Variants in ERBB4 observed in about 807,000 individuals in gnomAD.
The protein encoded by ERBB4 is receptor tyrosine-protein kinase erbB-4.
In ERBB4, 42 loss-of-function variants were observed where a neutral mutation model predicts 158.0. That is an observed-to-expected ratio of 0.27 (90% CI 0.21 to 0.34). The LOEUF is 0.34. ERBB4 is among the 10% of genes least tolerant of loss of function. The probability of loss-of-function intolerance (pLI) is 1.00; values close to 1 mark genes in which losing one functional copy is unlikely to be tolerated. For missense variants in ERBB4, 1,333 were observed against 1,624.1 expected, an observed-to-expected ratio of 0.82 and a Z score of 3.08; for synonymous variants, 583 against 558.7, an observed-to-expected ratio of 1.04 and a Z score of -0.61.
At chr2:211,392,576 A>ACT (rs1231626313) in intron 25 of ERBB4, among the ~76,000 whole-genome samples, 1 of 150,336 alleles carries the variant, frequency 6.7e-6, no homozygotes, top group Non-Finnish European at 1.5e-5. Context: ...ACACACACAC[A>ACT]CACACACACA....
chr2:211,618,105 G>A (rs972461328), intron 19 of ERBB4, among the ~76,000 whole-genome samples: 1 of 151,804 alleles, frequency 6.6e-6, no homozygotes, highest in Non-Finnish European at 1.5e-5. Context: ...TTAACCCATA[G>A]AGTCTTTTCT....
intron 1 of ERBB4, among the ~76,000 whole-genome samples, chr2:212,295,217 A>T (rs941877311): frequency 4.6e-5 from 7 of 152,110 alleles, no homozygotes; most frequent in Admixed American, 4.6e-4. Flanking sequence ...TGCTATTTAC[A>T]TAATAGAACT....
intron 1 of ERBB4, among the ~76,000 whole-genome samples, chr2:212,172,846 C>T (rs1481049324): frequency 6.6e-6 from 1 of 151,948 alleles, no homozygotes; most frequent in Non-Finnish European, 1.5e-5. Context: ...GGCTTAATAC[C>T]TGGGTGATGC....
intron 3 of ERBB4, among the ~76,000 whole-genome samples, chr2:211,852,636 C>CTTTTTTTTTTTTT (rs10640429): frequency 7.2e-6 from 1 of 138,848 alleles, no homozygotes; most frequent in African/African-American, 2.7e-5. Flanking sequence ...CAATGGCCAA[C>CTTTTTTTTTTTTT]TTTTTTTTTT....
chr2:211,528,878 A>G (rs774591007), intron 20 of ERBB4, among the ~76,000 whole-genome samples: 1 of 151,996 alleles, frequency 6.6e-6, no homozygotes, highest in Non-Finnish European at 1.5e-5. Flanking sequence ...GAAATTTTAC[A>G]GCTATAAGTC....
Position 212,094,127 on chromosome 2 carries a change from G to A in ERBB4, c.234+30625C>T, listed in dbSNP as rs1361242077. 2.0e-5 allele frequency among the ~76,000 whole-genome samples: 3 copies of A among 151,948 alleles called. No homozygotes were observed. In the East Asian group the frequency reaches 5.8e-4, roughly 29 times the overall value. ...GTTGAAATGCAGTCCCCTATGTTGA[G>A]GTGGGGCCTGGTGGGAGGCTTTTCA... On this transcript the variant is annotated intron_variant, in intron 2 of 27. Transcript: ENST00000342788.
intron 1 of ERBB4, among the ~76,000 whole-genome samples, chr2:212,131,413 T>G (rs780825593): frequency 2.6e-5 from 4 of 152,208 alleles, no homozygotes; most frequent in Non-Finnish European, 5.9e-5. Context: ...TGTAGTCATC[T>G]TTTCTCAAAT....
At chr2:211,786,447 G>A (rs1008981594) in intron 4 of ERBB4, among the ~76,000 whole-genome samples, 1 of 152,122 alleles carries the variant, frequency 6.6e-6, no homozygotes, top group Non-Finnish European at 1.5e-5. Flanking sequence ...CATTGGTTAT[G>A]ACTCTACTCT....
chr2:212,249,094 C>T (rs1479229829), intron 1 of ERBB4, among the ~76,000 whole-genome samples: 1 of 151,938 alleles, frequency 6.6e-6, no homozygotes, highest in East Asian at 1.9e-4. Context: ...AGCAACAGAC[C>T]TTCATTCAAC....
At chr2:212,210,755 T>C (rs554795532) in intron 1 of ERBB4, among the ~76,000 whole-genome samples, 1 of 152,284 alleles carries the variant, frequency 6.6e-6, no homozygotes, top group Admixed American at 6.5e-5. Flanking sequence ...ATTTCTGCTC[T>C]AAGTTTTCTC....
intron 19 of ERBB4, among the ~76,000 whole-genome samples, chr2:211,566,706 C>T (rs771818237): frequency 1.1e-4 from 16 of 151,670 alleles, no homozygotes; most frequent in Middle Eastern, 6.8e-3. Context: ...ATACACATAC[C>T]GACAAATCAG....
intron 24 of ERBB4, 45 bp from the exon 25 acceptor site, chr2:211,420,656 A>T: frequency 6.7e-7 from 1 of 1,483,608 alleles, no homozygotes; most frequent in Non-Finnish European, 9.4e-7. Context: ...ATTCTTTCTT[A>T]TCTTAAATAT....
intron 27 of ERBB4, among the ~76,000 whole-genome samples, chr2:211,385,878 T>A (rs1483332692): frequency 1.3e-5 from 2 of 152,190 alleles, no homozygotes; most frequent in African/African-American, 4.8e-5. Flanking sequence ...TCTACATTTG[T>A]GTCATTACTA....
intron 9 of ERBB4, among the ~76,000 whole-genome samples, chr2:211,710,666 G>A (rs952875685): frequency 1.3e-5 from 2 of 152,146 alleles, no homozygotes; most frequent in Admixed American, 1.3e-4. Context: ...GGGACCCAGT[G>A]GGAGGAAACT....
rs1553641379 is a variant in ERBB4, at chr2:212,446,616, T to TATATATAC, written c.82+91832_82+91833insGTATATAT. On this transcript the variant is annotated intron_variant, in intron 1 of 27. Coordinates refer to ENST00000342788, the MANE Select transcript of ERBB4 (RefSeq NM_005235.3). ...GTATATATATATATATATATATATATATATATATATATATATATATATCCT... is the reference window on the plus strand; with the variant it reads ...GTATATATATATATATATATATATATATATATACATATATATATATATATATATATCCT... Among the ~76,000 whole-genome samples, 6 of 73,418 alleles carry TATATATAC rather than the reference T, an allele frequency of 8.2e-5. No individual in the cohort carries two copies. In the East Asian group the frequency reaches 2.2e-3, roughly 26 times the overall value. 48.2% of individuals were successfully genotyped at this position (73,418 alleles called of 152,430 possible). A position where few individuals can be genotyped will look rare whatever the true frequency, so the allele number is the denominator to read the frequency against.
At chr2:211,455,316 GGGAGTTCAGT>G (rs2064353628) in intron 20 of ERBB4, among the ~76,000 whole-genome samples, 1 of 152,190 alleles carries the variant, frequency 6.6e-6, no homozygotes. Flanking sequence ...TATTTCTGTA[GGGAGTTCAGT>G]GGACTTCTTA....
intron 1 of ERBB4, among the ~76,000 whole-genome samples, chr2:212,180,558 A>C (rs748390916): frequency 6.1e-4 from 92 of 151,634 alleles, no homozygotes; most frequent in Non-Finnish European, 8.4e-4. Context: ...CAGATTTCTT[A>C]TTCTGTCTGA....
At chr2:211,385,173 C>T (rs930268269) in intron 27 of ERBB4, among the ~76,000 whole-genome samples, 2 of 151,974 alleles carry the variant, frequency 1.3e-5, no homozygotes, top group Admixed American at 1.3e-4. Context: ...TTATTTTTCT[C>T]CAAATATATA....
intron 20 of ERBB4, among the ~76,000 whole-genome samples, chr2:211,544,702 A>G (rs1216893349): frequency 6.6e-6 from 1 of 152,078 alleles, no homozygotes; most frequent in Non-Finnish European, 1.5e-5. Context: ...TCATTTAAAC[A>G]TATAATAGTA....
Sources: gnomAD v4.1 joint callset for allele counts (sites outside exome capture counted in the v4.1 genomes callset) on GRCh38, gnomAD v4.1.1 for gene constraint, MANE v1.5 for transcripts, NCBI Gene and HGNC (gene_info 2026-07-23, HGNC 2026-07-21) for gene names.